The following HARS1 variants were observed in gnomAD, a reference collection of about 807,000 sequenced individuals.
The protein encoded by HARS1 is histidyl-tRNA synthetase 1.
HARS1 carries 45 observed loss-of-function variants against 63.6 expected under a neutral mutation model. The ratio of observed to expected loss-of-function variants is 0.71; its 90% CI spans 0.56 to 0.91. HARS1 has a LOEUF of 0.91. Ranked by LOEUF, HARS1 falls within the 40% of genes least tolerant of loss-of-function variation. The pLI, the probability that HARS1 is intolerant of heterozygous loss-of-function variation, is 0.00. For synonymous variants in HARS1, 205 were observed against 247.1 expected (o/e 0.83, Z 1.60); for missense variants, 508 against 643.2 (o/e 0.79, Z 2.27).
In HARS1 at chr5:140,686,916, T is replaced by C. The variant is rs1177275340; in HGVS notation, c.181-3697A>G. Among the ~76,000 whole-genome samples, 4 of 152,378 alleles carry C rather than the reference T, an allele frequency of 2.6e-5. No individual in the cohort carries two copies. In the East Asian group the frequency reaches 7.7e-4, roughly 29 times the overall value. On this transcript the variant is annotated intron_variant, in intron 2 of 12. Coordinates refer to ENST00000504156, the MANE Select transcript of HARS1 (RefSeq NM_002109.6). ...ACTAAGTTTTCTAAAATTCTAACTTTCACCTGAATACTTGAATTTTTTCAC... is the reference window on the plus strand; with the variant it reads ...ACTAAGTTTTCTAAAATTCTAACTTCCACCTGAATACTTGAATTTTTTCAC...
chr5:140,690,494 T>C (rs1206720223), intron 2 of HARS1, among the ~76,000 whole-genome samples: 1 of 152,098 alleles, frequency 6.6e-6, no homozygotes, highest in African/African-American at 2.4e-5. Flanking sequence ...GTTCTAAGTC[T>C]CTCTCCTTCA....
chr5:140,689,811 G>A (rs1266232928), intron 2 of HARS1, among the ~76,000 whole-genome samples: 1 of 152,156 alleles, frequency 6.6e-6, no homozygotes, highest in Non-Finnish European at 1.5e-5. Flanking sequence ...TAGATGAAGG[G>A]GTAAACAGTT....
rs905062346 is a variant in HARS1, at chr5:140,674,093, TAATC to T, written c.*160_*163del. 10 of 694,512 alleles carry T rather than the reference TAATC, an allele frequency of 1.4e-5. No homozygotes were observed. Among genetic ancestry groups the T allele is most frequent in the African/African-American group, 7.1e-5 (4 of 56,416 alleles). The allele number at this position is 694,512 out of a possible 1,614,324, so 43.0% of individuals were successfully genotyped here. A position where few individuals can be genotyped will look rare whatever the true frequency, so the allele number is the denominator to read the frequency against. ...TGTACCTGGCCGTTTTTGCCAGTAA[TAATC>T]AATAAAATAACCATAATAAAAATCA... is the stretch of plus-strand genomic sequence containing the variant. On this transcript the variant is annotated 3_prime_UTR_variant, in exon 13 of 13. Transcript: ENST00000504156.
In HARS1 at chr5:140,679,352, G is replaced by T; in HGVS notation, c.397-225C>A. ...CCTTTCCCTTTTGTAGTGTTGACTGGACTTTTTTGAGCATGGCAAGGGGCT... is the reference window on the plus strand; with the variant it reads ...CCTTTCCCTTTTGTAGTGTTGACTGTACTTTTTTGAGCATGGCAAGGGGCT... On this transcript the variant is annotated intron_variant, in intron 4 of 12. Transcript: ENST00000504156. This position sits in a 1 kb window ranked among gnomAD's most constrained non-coding sequence, Gnocchi z 4.3. 1 of 482,008 alleles carries T rather than the reference G, an allele frequency of 2.1e-6. No homozygotes were observed. The highest frequency in any genetic ancestry group is 3.7e-6 in the Non-Finnish European group (1 of 273,064). 29.9% of individuals were successfully genotyped at this position (482,008 alleles called of 1,614,324 possible). A position where few individuals can be genotyped will look rare whatever the true frequency, so the allele number is the denominator to read the frequency against.
At chr5:140,680,631 G>T (rs967414539) in intron 3 of HARS1, among the ~76,000 whole-genome samples, 2 of 151,904 alleles carry the variant, frequency 1.3e-5, no homozygotes, top group Non-Finnish European at 2.9e-5. Context: ...ATCACCTGAG[G>T]TCAGGAGTTC....
chr5:140,677,587 A>C (rs771807737), intron 7 of HARS1, 68 bp downstream of exon 7: 134 of 1,191,212 alleles, frequency 1.1e-4, no homozygotes, highest in Non-Finnish European at 1.6e-4. Flanking sequence ...TCTCTCTCTC[A>C]ATCTTGTTTT....
intron 2 of HARS1, among the ~76,000 whole-genome samples, chr5:140,688,921 T>C (rs1048101665): frequency 6.6e-5 from 10 of 152,224 alleles, no homozygotes; most frequent in African/African-American, 2.2e-4. Context: ...TGGTGCTGTG[T>C]ACTTCTTCTT....
intron 2 of HARS1, among the ~76,000 whole-genome samples, chr5:140,689,431 G>C (rs1759234195): frequency 6.7e-6 from 1 of 148,994 alleles, no homozygotes; most frequent in Non-Finnish European, 1.5e-5. Context: ...TTTTTTATTT[G>C]AAATTTTTAT....
intron 7 of HARS1, 108 bp from the exon 8 acceptor site, chr5:140,677,528 T>C (rs1406969023): frequency 9.4e-7 from 1 of 1,068,742 alleles, no homozygotes; most frequent in Admixed American, 1.7e-5. Context: ...CCCATGAGCC[T>C]ACATCCTGGG....
intron 12 of HARS1, 47 bp from the exon 13 acceptor site, chr5:140,674,375 C>A: frequency 7.7e-7 from 1 of 1,301,058 alleles, no homozygotes; most frequent in Non-Finnish European, 1.1e-6. Context: ...TTCCATTCCA[C>A]TGCTCCCCGA....
chr5:140,683,017 A>C, intron 3 of HARS1, 83 bp downstream of exon 3: 2 of 1,310,268 alleles, frequency 1.5e-6, no homozygotes, highest in Non-Finnish European at 2.2e-6. Context: ...GGCCCTTTGG[A>C]CCCTCACTCT....
rs761796821 is a variant in HARS1, at chr5:140,690,954, G to T, written c.91-10C>A. ...CCACCTCCTCCTCGATCTGTGGAGG[G>T]AAAGAAGGCGCTGAGCTATCCATCT... On this transcript the variant is annotated splice_polypyrimidine_tract_variant and intron_variant, in intron 1 of 12. Transcript: ENST00000504156. 6 of 1,513,910 alleles carry T rather than the reference G, an allele frequency of 4.0e-6. No homozygotes were observed. Among genetic ancestry groups the T allele is most frequent in the Non-Finnish European group, 5.5e-6 (6 of 1,089,176 alleles). The allele number at this position is 1,513,910 out of a possible 1,614,324, so 93.8% of individuals were successfully genotyped here.
At position 140,679,386 on chromosome 5, in the gene HARS1, T is replaced by C; in HGVS notation, c.397-259A>G. 1 of 440,238 alleles carries C rather than the reference T, an allele frequency of 2.3e-6. No homozygotes were observed. 27.3% of individuals were successfully genotyped at this position (440,238 alleles called of 1,614,324 possible). A position where few individuals can be genotyped will look rare whatever the true frequency, so the allele number is the denominator to read the frequency against. On this transcript the variant is annotated intron_variant, in intron 4 of 12. Transcript: ENST00000504156. This position sits in a 1 kb window ranked among gnomAD's most constrained non-coding sequence, Gnocchi z 4.3. ...GAGCATGGCAAGGGGCTGGGCAGGT[T>C]GGCCACAGACCAGAAAAAGGCGACC...
rs752171875 is a variant in HARS1 at position 140,682,237 on chromosome 5, TA to T, written c.300+862del. Among the ~76,000 whole-genome samples, 3 of 151,484 alleles carry T rather than the reference TA, an allele frequency of 2.0e-5. 1 individual carries two copies. Among genetic ancestry groups the T allele is most frequent in the African/African-American group, 7.3e-5 (3 of 41,174 alleles). On this transcript the variant is annotated intron_variant, in intron 3 of 12. Transcript: ENST00000504156. ...TGTCTCTATTTGTATTTTTTTTTTT[TA>T]AAAAGGAATTAAAATCTGCAGTCTC...
Position 140,679,895 on chromosome 5 carries a change from A to G in HARS1, c.301-12T>C, listed in dbSNP as rs1279149301. On this transcript the variant is annotated splice_polypyrimidine_tract_variant and intron_variant, in intron 3 of 12. Transcript: ENST00000504156. This position sits in a 1 kb window ranked among gnomAD's most constrained non-coding sequence, Gnocchi z 4.3. Reference sequence around the variant, plus strand: ...CCCATCAGTGTTTCCTGGAGAAAACATAAATAAATGTGGTCATAATAATAA... The same window carrying G: ...CCCATCAGTGTTTCCTGGAGAAAACGTAAATAAATGTGGTCATAATAATAA... The G allele has an allele frequency of 9.2e-6, 13 of 1,414,576 alleles. No individual in the cohort carries two copies. Among genetic ancestry groups the G allele is most frequent in the Non-Finnish European group, 1.3e-5 (13 of 1,000,272 alleles). The allele number at this position is 1,414,576 out of a possible 1,614,324, so 87.6% of individuals were successfully genotyped here.
chr5:140,679,217 C>A lies in HARS1; in HGVS notation c.397-90G>T, dbSNP rs780912632. The A allele has an allele frequency of 6.2e-6, 8 of 1,295,504 alleles. No homozygotes were observed. Among genetic ancestry groups the A allele is most frequent in the Admixed American group, 1.9e-5 (1 of 52,070 alleles). 80.3% of individuals were successfully genotyped at this position (1,295,504 alleles called of 1,614,324 possible). ...AACAGAAGCTGGGGTCTAACCCCTC[C>A]CTATGTGGGTAAAACTGCCACCCAT... On this transcript the variant is annotated intron_variant, in intron 4 of 12. Coordinates refer to ENST00000504156, the MANE Select transcript of HARS1 (RefSeq NM_002109.6). The surrounding 1 kb of genome is among the most constrained non-coding windows in gnomAD (Gnocchi z 4.3).
At chr5:140,680,754 C>T (rs1249167300) in intron 3 of HARS1, among the ~76,000 whole-genome samples, 2 of 151,606 alleles carry the variant, frequency 1.3e-5, no homozygotes, top group Admixed American at 1.3e-4. Flanking sequence ...GCAGGAGAAT[C>T]GCTTGAACCC....
Position 140,676,438 on chromosome 5 carries a change from C to A in HARS1, c.1194+216G>T. ...TGACAGCCCTGAAGGAAGTAGAGAC[C>A]CAGAGCAGAGGATTGAGTGCAGAAA... On this transcript the variant is annotated intron_variant, in intron 10 of 12. Transcript: ENST00000504156. This position sits in a 1 kb window ranked among gnomAD's most constrained non-coding sequence, Gnocchi z 4.1. 1.7e-6 allele frequency: 1 copy of A among 582,420 alleles called. No homozygotes were observed. The highest frequency in any genetic ancestry group is 4.6e-4 in the Middle Eastern group (1 of 2,166). 36.1% of individuals were successfully genotyped at this position (582,420 alleles called of 1,614,324 possible). A position where few individuals can be genotyped will look rare whatever the true frequency, so the allele number is the denominator to read the frequency against.
chr5:140,683,357 G>T lies in HARS1; in HGVS notation c.181-138C>A. ...AACAGATTTTCCTACAGGCCACTGA[G>T]TTTTAAAACAAGTACAAATAATTCC... On this transcript the variant is annotated intron_variant, in intron 2 of 12. Coordinates refer to ENST00000504156, the MANE Select transcript of HARS1 (RefSeq NM_002109.6). The T allele has an allele frequency of 4.1e-6, 4 of 973,748 alleles. No homozygotes were observed. In the South Asian group the frequency reaches 5.7e-5, roughly 14 times the overall value. 60.3% of individuals were successfully genotyped at this position (973,748 alleles called of 1,614,324 possible).
Sources: gnomAD v4.1 joint callset for allele counts (sites outside exome capture counted in the v4.1 genomes callset) on GRCh38, gnomAD v4.1.1 for gene constraint, Gnocchi (gnomAD v3.1) non-coding constraint, MANE v1.5 for transcripts, NCBI Gene and HGNC (gene_info 2026-07-23, HGNC 2026-07-21) for gene names.